Variants in PRDM6 observed in about 807,000 individuals in gnomAD.
The protein encoded by PRDM6 is PR/SET domain 6.
A neutral mutation model predicts 60.8 loss-of-function variants in PRDM6; 25 were observed. The ratio of observed to expected loss-of-function variants is 0.41; its 90% CI spans 0.30 to 0.57. The LOEUF is 0.57. PRDM6 is among the 20% of genes least tolerant of loss of function. The pLI, the probability that PRDM6 is intolerant of heterozygous loss-of-function variation, is 0.27. For synonymous variants in PRDM6, 407 were observed against 357.4 expected (o/e 1.14, Z -1.57); for missense variants, 839 against 821.3 (o/e 1.02, Z -0.26).
chr5:123,124,057 GT>G (rs1764641583), intron 3 of PRDM6, among the ~76,000 whole-genome samples: 1 of 152,148 alleles, frequency 6.6e-6, no homozygotes, highest in South Asian at 2.1e-4. Context: ...CTTTGACCTG[GT>G]CCAGGTCAGG....
chr5:123,168,219 G>T (rs1180570541), intron 5 of PRDM6, among the ~76,000 whole-genome samples: 2 of 151,966 alleles, frequency 1.3e-5, no homozygotes, highest in Non-Finnish European at 2.9e-5. Context: ...ATAGAATAAA[G>T]ACATACATAC....
intron 3 of PRDM6, among the ~76,000 whole-genome samples, chr5:123,119,930 G>T (rs1764543383): frequency 6.6e-6 from 1 of 151,906 alleles, no homozygotes; most frequent in Non-Finnish European, 1.5e-5. Flanking sequence ...TTTAAACAAG[G>T]TTAAAAAATT....
intron 3 of PRDM6, among the ~76,000 whole-genome samples, chr5:123,127,678 T>A (rs1443842190): frequency 1.3e-5 from 2 of 150,202 alleles, no homozygotes. Context: ...AGGGATTTCT[T>A]CTTTCTTTCT....
intron 3 of PRDM6, among the ~76,000 whole-genome samples, chr5:123,139,446 G>A (rs577839336): frequency 1.3e-5 from 2 of 152,230 alleles, no homozygotes; most frequent in African/African-American, 4.8e-5. Context: ...ACATTCAGAA[G>A]AGATGCACCT....
At chr5:123,133,700 A>C (rs946131156) in intron 3 of PRDM6, among the ~76,000 whole-genome samples, 1 of 151,986 alleles carries the variant, frequency 6.6e-6, no homozygotes, top group African/African-American at 2.4e-5. Context: ...TAGCTGAAAA[A>C]AGTGGGGTGG....
rs1164600865 is a variant in PRDM6 at position 123,190,718 on chromosome 5, A to G, written c.*3517A>G. 6.6e-6 allele frequency: 1 copy of G among 152,214 alleles called. No individual in the cohort carries two copies. The highest frequency in any genetic ancestry group is 1.5e-5 in the Non-Finnish European group (1 of 68,034). 9.4% of individuals were successfully genotyped at this position (152,214 alleles called of 1,614,324 possible). Reference sequence around the variant, plus strand: ...TTAGCAGTTCATCAATTTTTAAATCAGATGTTCATTGTTTCATTCATTTAT... The same window carrying G: ...TTAGCAGTTCATCAATTTTTAAATCGGATGTTCATTGTTTCATTCATTTAT... On this transcript the variant is annotated 3_prime_UTR_variant, in exon 8 of 8. Transcript: ENST00000407847.
Position 123,189,489 on chromosome 5 carries a change from G to A in PRDM6, c.*2288G>A, listed in dbSNP as rs1186020189. 1.3e-5 allele frequency: 2 copies of A among 152,150 alleles called. No homozygotes were observed. Among genetic ancestry groups the A allele is most frequent in the Admixed American group, 6.5e-5 (1 of 15,284 alleles). 9.4% of individuals were successfully genotyped at this position (152,150 alleles called of 1,614,324 possible). On this transcript the variant is annotated 3_prime_UTR_variant, in exon 8 of 8. Coordinates refer to ENST00000407847, the MANE Select transcript of PRDM6 (RefSeq NM_001136239.4). Reference sequence around the variant, plus strand: ...CTCCCTTGATGTCTGGCATGGGAAGGTTTTCCTTAACAATGATCTCTCTGC... The same window carrying A: ...CTCCCTTGATGTCTGGCATGGGAAGATTTTCCTTAACAATGATCTCTCTGC...
intron 3 of PRDM6, among the ~76,000 whole-genome samples, 168 bp downstream of exon 3, chr5:123,100,129 G>A (rs1173376764): frequency 6.6e-6 from 1 of 152,204 alleles, no homozygotes; most frequent in African/African-American, 2.4e-5. Context: ...TAGATGCCTG[G>A]TGTCTGAAGC....
At position 123,090,435 on chromosome 5, in the gene PRDM6, G is replaced by A. The variant is rs922260641; in HGVS notation, c.421G>A (p.Ala141Thr). 4 of 1,450,244 alleles carry A rather than the reference G, an allele frequency of 2.8e-6. No homozygotes were observed. In the African/African-American group the frequency reaches 5.9e-5, roughly 22 times the overall value. The allele number at this position is 1,450,244 out of a possible 1,614,324, so 89.8% of individuals were successfully genotyped here. The change falls in exon 2 of 8, where the codon GCC (alanine) becomes ACC (threonine). Residue 141 changes from alanine (A) to threonine (T), a missense_variant. This residue lies in a region of PRDM6 where 730 missense variants were observed against 648.8 expected (regional missense o/e 1.13). Coordinates refer to ENST00000407847, the MANE Select transcript of PRDM6 (RefSeq NM_001136239.4). Reference sequence around the variant, plus strand: ...GCCCCCCAAGGAACTGTGCCTCGGCGCCACCTCCGGCCCCGGGCCCGTCAA... The same window carrying A: ...GCCCCCCAAGGAACTGTGCCTCGGCACCACCTCCGGCCCCGGGCCCGTCAA... ...PLPPKELCLG[A>T]TSGPGPVKCG...
chr5:123,187,264 G>T lies in PRDM6; in HGVS notation c.*63G>T. On this transcript the variant is annotated 3_prime_UTR_variant, in exon 8 of 8. Transcript: ENST00000407847. ...ATGATTAAATGTCACGGACACTTAAGCAAAACCAAAGATTTCCTCTGAGCA... is the reference window on the plus strand; with the variant it reads ...ATGATTAAATGTCACGGACACTTAATCAAAACCAAAGATTTCCTCTGAGCA... 3.1e-6 allele frequency: 4 copies of T among 1,302,700 alleles called. No homozygotes were observed. The highest frequency in any genetic ancestry group is 4.3e-6 in the Non-Finnish European group (4 of 924,588). 80.7% of individuals were successfully genotyped at this position (1,302,700 alleles called of 1,614,324 possible).
intron 3 of PRDM6, among the ~76,000 whole-genome samples, chr5:123,146,603 G>A (rs1453679594): frequency 6.6e-6 from 1 of 152,138 alleles, no homozygotes; most frequent in East Asian, 1.9e-4. Context: ...GTAGCATGTT[G>A]TTGTTGTTGT....
chr5:123,181,679 A>G (rs1410293606), intron 7 of PRDM6, among the ~76,000 whole-genome samples: 1 of 152,178 alleles, frequency 6.6e-6, no homozygotes, highest in Non-Finnish European at 1.5e-5. Context: ...AAGAGAGGAA[A>G]TGATTCAGGC....
chr5:123,148,318 A>T (rs1302835086), intron 3 of PRDM6, among the ~76,000 whole-genome samples: 3 of 152,178 alleles, frequency 2.0e-5, no homozygotes, highest in Non-Finnish European at 4.4e-5. Context: ...GGTATTTATT[A>T]CTTGACCTTT....
intron 5 of PRDM6, among the ~76,000 whole-genome samples, chr5:123,160,643 G>A (rs898964950): frequency 1.3e-5 from 2 of 152,134 alleles, no homozygotes; most frequent in Admixed American, 1.3e-4. Flanking sequence ...AATGCTGATC[G>A]TCAGATATTT....
intron 2 of PRDM6, among the ~76,000 whole-genome samples, chr5:123,097,763 T>C (rs2150206863): frequency 6.6e-6 from 1 of 152,308 alleles, no homozygotes; most frequent in Non-Finnish European, 1.5e-5. Context: ...ATTTTAACAA[T>C]AGTTTGTGTT....
At chr5:123,165,678 C>A (rs1163887235) in intron 5 of PRDM6, among the ~76,000 whole-genome samples, 1 of 152,200 alleles carries the variant, frequency 6.6e-6, no homozygotes, top group African/African-American at 2.4e-5. Flanking sequence ...TTGGCAGATT[C>A]TCAGGTATTC....
In PRDM6 at chr5:123,140,295, A is replaced by G. The variant is rs551870257; in HGVS notation, c.901-15589A>G. On this transcript the variant is annotated intron_variant, in intron 3 of 7. Coordinates refer to ENST00000407847, the MANE Select transcript of PRDM6 (RefSeq NM_001136239.4). ...TTTCAGAAAAAAAAAAAAGGTCAGA[A>G]AAAGTTCAAAATGACATGATGGAAT... Among the ~76,000 whole-genome samples the G allele has an allele frequency of 6.6e-5, 10 of 152,186 alleles. No homozygotes were observed. In the South Asian group the frequency reaches 1.0e-3, roughly 16 times the overall value.
At position 123,102,032 on chromosome 5, in the gene PRDM6, G is replaced by A. The variant is rs549154100; in HGVS notation, c.900+2071G>A. The stretch of plus-strand genomic sequence containing the variant: ...CTCTGTTAGAAAAAAGACTTGCTGG[G>A]TGTATGCTTGGATGATCTACAGGAT... On this transcript the variant is annotated intron_variant, in intron 3 of 7. Transcript: ENST00000407847. Among the ~76,000 whole-genome samples, 71 of 152,278 alleles carry A rather than the reference G, an allele frequency of 4.7e-4. 2 individuals carry two copies. In the South Asian group the frequency reaches 0.014, roughly 31 times the overall value.
chr5:123,104,060 A>G (rs1387771612), intron 3 of PRDM6, among the ~76,000 whole-genome samples: 1 of 152,096 alleles, frequency 6.6e-6, no homozygotes, highest in East Asian at 1.9e-4. Context: ...TCAGAAAATC[A>G]AGGGGGATAA....
Sources: allele counts gnomAD v4.1 joint callset (sites outside exome capture counted in the v4.1 genomes callset), GRCh38; gene constraint gnomAD v4.1.1; regional missense constraint gnomAD v4.1.1; transcripts MANE v1.5; gene names NCBI Gene and HGNC (gene_info 2026-07-23, HGNC 2026-07-21).